MARCHF3: variants seen among roughly 807,000 people sequenced by gnomAD.
MARCHF3 encodes the protein E3 ubiquitin-protein ligase MARCHF3.
MARCHF3 carries 13 observed loss-of-function variants against 24.2 expected under a neutral mutation model. That is an observed-to-expected ratio of 0.54 (90% CI 0.35 to 0.85). The LOEUF is 0.85. Ranked by LOEUF, MARCHF3 falls within the 40% of genes least tolerant of loss-of-function variation. The probability of loss-of-function intolerance (pLI) is 0.01; values close to 1 mark genes in which losing one functional copy is unlikely to be tolerated. For synonymous variants in MARCHF3, 144 were observed against 137.3 expected (o/e 1.05, Z -0.34); for missense variants, 276 against 325.0 (o/e 0.85, Z 1.16).
Position 126,870,617 on chromosome 5 carries a change from A to G in MARCHF3, c.*16T>C. 1.9e-6 allele frequency: 3 copies of G among 1,613,266 alleles called. No individual in the cohort carries two copies. The highest frequency in any genetic ancestry group is 2.5e-6 in the Non-Finnish European group (3 of 1,179,420). ...CCCCAAACAATGAATCAAACAACCA[A>G]CCAACCATACAAACATCAAACAACT... On this transcript the variant is annotated 3_prime_UTR_variant, in exon 5 of 5. Coordinates refer to ENST00000308660, the MANE Select transcript of MARCHF3 (RefSeq NM_178450.5).
chr5:126,921,463 G>A (rs1035180230), intron 1 of MARCHF3, among the ~76,000 whole-genome samples: 5 of 151,938 alleles, frequency 3.3e-5, no homozygotes, highest in African/African-American at 1.2e-4. Flanking sequence ...GCATGCATAT[G>A]TTGCACCTGG....
intron 3 of MARCHF3, among the ~76,000 whole-genome samples, chr5:126,912,851 T>G (rs1754587489): frequency 1.3e-5 from 2 of 152,250 alleles, no homozygotes; most frequent in African/African-American, 4.8e-5. Context: ...CACTTTCAAC[T>G]TGTTCAATCA....
chr5:126,990,461 C>T (rs187593704), intron 1 of MARCHF3, among the ~76,000 whole-genome samples: 1 of 152,072 alleles, frequency 6.6e-6, no homozygotes, highest in African/African-American at 2.4e-5. Context: ...AAAACCTAGG[C>T]AATACCATTC....
At chr5:126,989,766 T>C (rs1053281610) in intron 1 of MARCHF3, among the ~76,000 whole-genome samples, 1 of 152,128 alleles carries the variant, frequency 6.6e-6, no homozygotes, top group Non-Finnish European at 1.5e-5. Flanking sequence ...TTATGAACAG[T>C]TTCCTATTAT....
At chr5:126,946,014 C>T (rs1749996235) in intron 1 of MARCHF3, among the ~76,000 whole-genome samples, 1 of 152,092 alleles carries the variant, frequency 6.6e-6, no homozygotes, top group Non-Finnish European at 1.5e-5. Context: ...CTAGGTCACT[C>T]TGGGTAGTGA....
intron 3 of MARCHF3, 163 bp downstream of exon 3, chr5:126,914,767 A>ACACACACACACACACACACAC (rs1754658481): frequency 9.3e-6 from 4 of 432,096 alleles, no homozygotes; most frequent in Admixed American, 3.8e-5. Context: ...CTCTTTCTCA[A>ACACACACACACACACACACAC]ACACACACAC....
chr5:126,870,000 C>T lies in MARCHF3; in HGVS notation c.*633G>A, dbSNP rs58174425. 12,874 of 152,450 alleles carry T rather than the reference C, an allele frequency of 0.084. 1,175 individuals carry two copies. Among genetic ancestry groups the T allele is most frequent in the African/African-American group, 0.23 (9,672 of 41,422 alleles). 9.4% of individuals were successfully genotyped at this position (152,450 alleles called of 1,614,324 possible). A position where few individuals can be genotyped will look rare whatever the true frequency, so the allele number is the denominator to read the frequency against. On this transcript the variant is annotated 3_prime_UTR_variant, in exon 5 of 5. Coordinates refer to ENST00000308660, the MANE Select transcript of MARCHF3 (RefSeq NM_178450.5). Reference sequence around the variant, plus strand: ...TTAAATAAACAGCTCACTGTGTGAGCTCACGCCCTTTTTCCCTTTAAAAAC... The same window carrying T: ...TTAAATAAACAGCTCACTGTGTGAGTTCACGCCCTTTTTCCCTTTAAAAAC...
At chr5:127,005,131 G>C (rs1425376047) in intron 1 of MARCHF3, among the ~76,000 whole-genome samples, 1 of 132,412 alleles carries the variant, frequency 7.6e-6, no homozygotes, top group Admixed American at 7.7e-5. Context: ...TGCTCAGAAA[G>C]TCTTTTTTTT....
intron 3 of MARCHF3, among the ~76,000 whole-genome samples, chr5:126,914,202 C>T (rs1301865447): frequency 2.0e-5 from 3 of 151,832 alleles, no homozygotes; most frequent in Non-Finnish European, 4.4e-5. Context: ...CCAGGATGGT[C>T]TTGATCTCCT....
intron 1 of MARCHF3, among the ~76,000 whole-genome samples, chr5:127,011,321 C>T (rs955656023): frequency 9.9e-5 from 15 of 152,152 alleles, no homozygotes; most frequent in Admixed American, 9.2e-4. Flanking sequence ...GATCCAAATG[C>T]AGTCATCGCG....
intron 1 of MARCHF3, among the ~76,000 whole-genome samples, chr5:126,969,168 T>G (rs977847336): frequency 2.6e-5 from 4 of 152,256 alleles, no homozygotes; most frequent in Non-Finnish European, 5.9e-5. Flanking sequence ...AAAAAACTTA[T>G]GTACTTCTAA....
At chr5:126,965,177 G>A (rs932929962) in intron 1 of MARCHF3, among the ~76,000 whole-genome samples, 5 of 152,008 alleles carry the variant, frequency 3.3e-5, no homozygotes, top group Non-Finnish European at 4.4e-5. Flanking sequence ...TGAGATCATC[G>A]TCTTCATAAC....
intron 1 of MARCHF3, among the ~76,000 whole-genome samples, chr5:126,956,672 CCAAAAAAACAACAACAAAAA>C (rs1398328253): frequency 1.2e-4 from 14 of 115,872 alleles, no homozygotes; most frequent in African/African-American, 5.0e-4. Flanking sequence ...AAAAAAAAAA[CCAAAAAAACAACAACAAAAA>C]CAAAAAAACA....
At chr5:126,913,117 T>C (rs539220368) in intron 3 of MARCHF3, among the ~76,000 whole-genome samples, 1 of 152,300 alleles carries the variant, frequency 6.6e-6, no homozygotes, top group Admixed American at 6.5e-5. Context: ...CTGAGAGAGA[T>C]CACTGGGTGA....
chr5:126,916,694 C>CAG (rs376670125), intron 2 of MARCHF3, among the ~76,000 whole-genome samples: 29 of 100,850 alleles, frequency 2.9e-4, no homozygotes, highest in Admixed American at 5.3e-4. Context: ...GACAGACAGA[C>CAG]ACACACACAC....
chr5:126,983,029 G>T (rs968426673), intron 1 of MARCHF3, among the ~76,000 whole-genome samples: 5 of 152,150 alleles, frequency 3.3e-5, no homozygotes, highest in Non-Finnish European at 2.9e-5. Flanking sequence ...TTTCTTAAAA[G>T]ATAGGAGAAG....
intron 1 of MARCHF3, among the ~76,000 whole-genome samples, chr5:126,925,352 A>C (rs1174474888): frequency 2.6e-5 from 4 of 152,318 alleles, no homozygotes; most frequent in African/African-American, 9.6e-5. Context: ...CACATGATTA[A>C]TTCTGATTCT....
At chr5:126,898,841 T>G in intron 3 of MARCHF3, 2 of 983,526 alleles carry the variant, frequency 2.0e-6, no homozygotes. Flanking sequence ...TCGCTAGAGG[T>G]GAAGCAATGA....
intron 3 of MARCHF3, among the ~76,000 whole-genome samples, chr5:126,899,619 A>AT (rs1754038521): frequency 6.6e-6 from 1 of 151,994 alleles, no homozygotes; most frequent in Admixed American, 6.6e-5. Context: ...ATGAAGAATG[A>AT]TTTTTCTGGC....
Sources: allele counts gnomAD v4.1 joint callset (sites outside exome capture counted in the v4.1 genomes callset), GRCh38; gene constraint gnomAD v4.1.1; transcripts MANE v1.5; gene names NCBI Gene and HGNC (gene_info 2026-07-23, HGNC 2026-07-21).